Variants in RIMS2 observed in about 807,000 individuals in gnomAD.
RIMS2 encodes regulating synaptic membrane exocytosis protein 2.
A neutral mutation model predicts 174.4 loss-of-function variants in RIMS2; 59 were observed. That is an observed-to-expected ratio of 0.34 (90% CI 0.27 to 0.42). RIMS2 has a LOEUF of 0.42. RIMS2 is among the 10% of genes least tolerant of loss of function. The probability of loss-of-function intolerance (pLI) is 1.00; values close to 1 mark genes in which losing one functional copy is unlikely to be tolerated. For missense variants in RIMS2, 1,620 were observed against 1,666.3 expected (o/e 0.97, Z 0.48); for synonymous variants, 606 against 572.5 (o/e 1.06, Z -0.84).
chr8:103,998,241 G>A (rs751987698), intron 17 of RIMS2: 2 of 1,605,906 alleles, frequency 1.2e-6, no homozygotes, highest in Admixed American at 3.4e-5. Context: ...CATCATCACA[G>A]GGATGGCAGG....
At chr8:104,062,403 T>C (rs2097016845) in intron 19 of RIMS2, among the ~76,000 whole-genome samples, 1 of 152,078 alleles carries the variant, frequency 6.6e-6, no homozygotes, top group African/African-American at 2.4e-5. Context: ...CAAAACTCCA[T>C]CTCAAAAAAA....
At chr8:104,174,849 T>A (rs550861403) in intron 19 of RIMS2, among the ~76,000 whole-genome samples, 50 of 152,322 alleles carry the variant, frequency 3.3e-4, no homozygotes, top group African/African-American at 1.2e-3. Context: ...CAATACCTGA[T>A]CCCTATTAAA....
intron 12 of RIMS2, among the ~76,000 whole-genome samples, chr8:103,935,632 A>T (rs1452339786): frequency 6.6e-6 from 1 of 152,162 alleles, no homozygotes; most frequent in Non-Finnish European, 1.5e-5. Flanking sequence ...TAGTTCTCTT[A>T]GGTAGCTTAA....
chr8:104,174,016 G>T (rs1485684653), intron 19 of RIMS2, among the ~76,000 whole-genome samples: 2 of 151,198 alleles, frequency 1.3e-5, no homozygotes, highest in African/African-American at 2.4e-5. Flanking sequence ...GCATGATCTC[G>T]GCCCACTGCA....
rs1015573515 is a variant in RIMS2, at chr8:103,894,316, C to G, written c.1624+8093C>G. On this transcript the variant is annotated intron_variant, in intron 4 of 23. Coordinates refer to ENST00000504942, the Ensembl canonical transcript of RIMS2. ...CAGAATTTTGCAGTAGAAATATCTT[C>G]TAAGGTCAAAGTACAGTTCCAGCAA... Among the ~76,000 whole-genome samples, 8 of 151,552 alleles carry G rather than the reference C, an allele frequency of 5.3e-5. No homozygotes were observed. The East Asian group carries it at 5.8e-4, about 11-fold the overall frequency.
At chr8:103,502,615 G>T (rs1013059491) in intron 1 of RIMS2, among the ~76,000 whole-genome samples, 1 of 152,128 alleles carries the variant, frequency 6.6e-6, no homozygotes, top group Non-Finnish European at 1.5e-5. Flanking sequence ...AGCTTTTTGA[G>T]CATACTTCTT....
intron 1 of RIMS2, among the ~76,000 whole-genome samples, chr8:103,565,918 C>G (rs1173422346): frequency 6.6e-6 from 1 of 152,128 alleles, no homozygotes; most frequent in Non-Finnish European, 1.5e-5. Flanking sequence ...TAGGCCTACT[C>G]AGGAGAGTAT....
intron 1 of RIMS2, among the ~76,000 whole-genome samples, chr8:103,638,559 C>G (rs578162498): frequency 1.3e-5 from 2 of 151,974 alleles, no homozygotes; most frequent in Non-Finnish European, 2.9e-5. Context: ...TGTTCGTCCT[C>G]AAATAGTTCC....
exon 18 of RIMS2, chr8:104,013,564 G>T: frequency 6.2e-7 from 1 of 1,613,770 alleles, no homozygotes; most frequent in Non-Finnish European, 8.5e-7. Context: ...AACCTCATGA[G>T]GTCGATGCCT....
At chr8:103,513,616 A>T (rs760835894) in intron 1 of RIMS2, among the ~76,000 whole-genome samples, 3 of 152,174 alleles carry the variant, frequency 2.0e-5, no homozygotes, top group Non-Finnish European at 2.9e-5. Context: ...GACTTACACA[A>T]AAATAATTTT....
chr8:103,753,532 C>G (rs991733662), intron 2 of RIMS2, among the ~76,000 whole-genome samples: 2 of 152,060 alleles, frequency 1.3e-5, no homozygotes, highest in Non-Finnish European at 2.9e-5. Context: ...CTCCTTATAC[C>G]TCTGGTAGAA....
chr8:103,827,254 T>C (rs2098796960), intron 3 of RIMS2, among the ~76,000 whole-genome samples: 1 of 152,200 alleles, frequency 6.6e-6, no homozygotes, highest in Non-Finnish European at 1.5e-5. Context: ...TTTTAAAAAC[T>C]TCAATATCGA....
intron 1 of RIMS2, among the ~76,000 whole-genome samples, chr8:103,608,808 G>T (rs202137971): frequency 6.6e-6 from 1 of 151,994 alleles, no homozygotes; most frequent in African/African-American, 2.4e-5. Flanking sequence ...TCCCTGATCC[G>T]TTGCACTTCC....
intron 15 of RIMS2, among the ~76,000 whole-genome samples, chr8:103,963,572 C>A (rs1240729402): frequency 6.6e-6 from 1 of 152,066 alleles, no homozygotes; most frequent in Non-Finnish European, 1.5e-5. Context: ...AGGTTTATAG[C>A]AAAATTGAGA....
chr8:103,989,242 A>C (rs751443013), intron 16 of RIMS2, 63 bp from the exon 19 acceptor site: 1 of 1,014,268 alleles, frequency 9.9e-7, no homozygotes, highest in Non-Finnish European at 1.5e-6. Context: ...GCTTTAAAAT[A>C]AACCTCGTTT....
At chr8:103,849,194 G>A (rs1042225704) in intron 3 of RIMS2, among the ~76,000 whole-genome samples, 1 of 152,058 alleles carries the variant, frequency 6.6e-6, no homozygotes, top group Admixed American at 6.6e-5. Flanking sequence ...GATATATTCA[G>A]TCCACTTACA....
intron 19 of RIMS2, among the ~76,000 whole-genome samples, chr8:104,176,022 TATTCTC>T (rs1485850142): frequency 6.6e-6 from 1 of 152,156 alleles, no homozygotes; most frequent in Non-Finnish European, 1.5e-5. Context: ...GGCACATTCA[TATTCTC>T]ATTCTCTCTC....
At chr8:103,521,843 T>TAAA (rs905566070) in intron 1 of RIMS2, among the ~76,000 whole-genome samples, 1 of 142,812 alleles carries the variant, frequency 7.0e-6, no homozygotes, top group Admixed American at 7.0e-5. Flanking sequence ...TTCTCATTCT[T>TAAA]AAAAAAAAAA....
chr8:104,092,919 T>A (rs1168580710), intron 19 of RIMS2, among the ~76,000 whole-genome samples: 1 of 152,004 alleles, frequency 6.6e-6, no homozygotes, highest in Non-Finnish European at 1.5e-5. Flanking sequence ...ACTATTTCAA[T>A]TCCAGGAAGT....
Sources: gnomAD v4.1 joint callset for allele counts (sites outside exome capture counted in the v4.1 genomes callset) on GRCh38, gnomAD v4.1.1 for gene constraint, MANE v1.5 for transcripts, NCBI Gene and HGNC (gene_info 2026-07-23, HGNC 2026-07-21) for gene names.